NRDE2: variants seen among roughly 807,000 people sequenced by gnomAD.
The protein encoded by NRDE2 is NRDE-2, necessary for RNA interference, domain containing, also known as nuclear exosome regulator NRDE2.
NRDE2 carries 76 observed loss-of-function variants against 124.2 expected under a neutral mutation model. The ratio of observed to expected loss-of-function variants is 0.61; its 90% CI spans 0.51 to 0.74. The LOEUF (loss-of-function observed/expected upper bound fraction) is 0.74, where lower values mean the gene tolerates loss of function less well. NRDE2 is among the 30% of genes least tolerant of loss of function. NRDE2 has a pLI of 0.00. For synonymous variants in NRDE2, 489 were observed against 528.1 expected (o/e 0.93, Z 1.01); for missense variants, 1,314 against 1,417.3 (o/e 0.93, Z 1.17).
At chr14:90,298,514 G>T in intron 7 of NRDE2, 134 bp from the exon 8 acceptor site, 1 of 900,610 alleles carries the variant, frequency 1.1e-6, no homozygotes, top group Non-Finnish European at 1.8e-6. Context: ...CTTTGAAGTA[G>T]ATACATGCTA....
At chr14:90,329,571 T>C (rs1885584758) in intron 1 of NRDE2, among the ~76,000 whole-genome samples, 1 of 152,072 alleles carries the variant, frequency 6.6e-6, no homozygotes, top group East Asian at 1.9e-4. Flanking sequence ...GTACGTTGGC[T>C]CACACCTGTA....
chr14:90,277,844 G>C lies in NRDE2; in HGVS notation c.*492C>G, dbSNP rs45463097. On this transcript the variant is annotated 3_prime_UTR_variant, in exon 14 of 14. Coordinates refer to ENST00000354366, the MANE Select transcript of NRDE2 (RefSeq NM_017970.4). The stretch of plus-strand genomic sequence containing the variant: ...GGAACTTGCCACACACTGCGTGCAG[G>C]CCAGAACACCAAGCGTTAACTGCGG... The C allele has an allele frequency of 6.4e-6, 1 of 155,564 alleles. No homozygotes were observed. Among genetic ancestry groups the C allele is most frequent in the Non-Finnish European group, 1.4e-5 (1 of 70,022 alleles). 9.6% of individuals were successfully genotyped at this position (155,564 alleles called of 1,614,324 possible).
intron 4 of NRDE2, among the ~76,000 whole-genome samples, chr14:90,307,029 A>G (rs1371585192): frequency 1.3e-5 from 2 of 152,240 alleles, no homozygotes; most frequent in African/African-American, 4.8e-5. Flanking sequence ...CTGCATTTTT[A>G]TAACAAATTA....
chr14:90,318,798 C>CAAACA (rs967025175), intron 1 of NRDE2, among the ~76,000 whole-genome samples: 25 of 152,182 alleles, frequency 1.6e-4, no homozygotes, highest in East Asian at 1.2e-3. Flanking sequence ...GACTCCATCT[C>CAAACA]AAACAAAACA....
At chr14:90,301,536 C>A (rs1448570845) in intron 6 of NRDE2, among the ~76,000 whole-genome samples, 164 bp from the exon 7 acceptor site, 5 of 152,176 alleles carry the variant, frequency 3.3e-5, no homozygotes, top group African/African-American at 1.2e-4. Flanking sequence ...GCGTCTCACA[C>A]AGTATTATAA....
In NRDE2 at chr14:90,268,729, C is replaced by G. The variant is rs1355016027; in HGVS notation, c.*9607G>C. 1.9e-5 allele frequency: 5 copies of G among 256,570 alleles called. No individual in the cohort carries two copies. In the Admixed American group the frequency reaches 2.5e-4, roughly 13 times the overall value. 15.9% of individuals were successfully genotyped at this position (256,570 alleles called of 1,614,324 possible). Reference sequence around the variant, plus strand: ...GGAGGAGCTCACAGGTTGTAGGGATCAGATACCAAACATGGAAACAGAATA... The same window carrying G: ...GGAGGAGCTCACAGGTTGTAGGGATGAGATACCAAACATGGAAACAGAATA... On this transcript the variant is annotated 3_prime_UTR_variant, in exon 14 of 14. Transcript: ENST00000354366.
At chr14:90,283,523 T>C (rs1257196926) in intron 12 of NRDE2, among the ~76,000 whole-genome samples, 1 of 152,114 alleles carries the variant, frequency 6.6e-6, no homozygotes, top group Non-Finnish European at 1.5e-5. Flanking sequence ...CTGAGCAGCC[T>C]GATGACAGGA....
Position 90,286,464 on chromosome 14 carries a change from T to C in NRDE2, c.3187A>G (p.Ile1063Val), listed in dbSNP as rs900283211. Residue 1063 changes from isoleucine (I) to valine (V), a missense_variant, in exon 12 of 14, where the codon ATT (isoleucine) becomes GTT (valine). Coordinates refer to ENST00000354366, the MANE Select transcript of NRDE2 (RefSeq NM_017970.4). ...CGATGCATTAAGCCGGTCTCAGGAA[T>C]TGTGGCGTGGATCTCTCTACCGTCT... ...RLDGREIHAT[I>V]PETGLMHRIQ... 3 of 1,613,858 alleles carry C rather than the reference T, an allele frequency of 1.9e-6. No homozygotes were observed. Among genetic ancestry groups the C allele is most frequent in the African/African-American group, 2.7e-5 (2 of 74,852 alleles).
intron 1 of NRDE2, 34 bp from the exon 2 acceptor site, chr14:90,318,147 T>C: frequency 6.6e-7 from 1 of 1,512,604 alleles, no homozygotes; most frequent in Non-Finnish European, 9.1e-7. Context: ...ATCAATGAAA[T>C]TAGTTCAATA....
rs1305972314 is a variant in NRDE2, at chr14:90,272,425, C to A, written c.*5911G>T. The A allele has an allele frequency of 2.0e-6, 3 of 1,526,330 alleles. No individual in the cohort carries two copies. The highest frequency in any genetic ancestry group is 2.2e-5 in the Admixed American group (1 of 46,432). The allele number at this position is 1,526,330 out of a possible 1,614,324, so 94.5% of individuals were successfully genotyped here. ...ATCTCTAATGAACCATGGCTGTCAT[C>A]AGGAAAATGGTTGGGAGATTTCTCA... is the stretch of plus-strand genomic sequence containing the variant. On this transcript the variant is annotated 3_prime_UTR_variant, in exon 14 of 14. Coordinates refer to ENST00000354366, the MANE Select transcript of NRDE2 (RefSeq NM_017970.4). This position sits in a 1 kb window ranked among gnomAD's most constrained non-coding sequence, Gnocchi z 4.5.
Position 90,312,557 on chromosome 14 carries a change from G to A in NRDE2, c.408-14C>T. 1.2e-6 allele frequency: 2 copies of A among 1,606,812 alleles called. No individual in the cohort carries two copies. The highest frequency in any genetic ancestry group is 1.7e-6 in the Non-Finnish European group (2 of 1,177,662). On this transcript the variant is annotated splice_polypyrimidine_tract_variant and intron_variant, in intron 3 of 13. Transcript: ENST00000354366. ...TTATTTCCTTGACTGTGGGACAAAGGAAGAAGAAGAAGGGAGAGGCACTTT... is the reference window on the plus strand; with the variant it reads ...TTATTTCCTTGACTGTGGGACAAAGAAAGAAGAAGAAGGGAGAGGCACTTT...
rs1217034491 is a variant in NRDE2, at chr14:90,318,037, T to C, written c.141A>G (p.Pro47=). ...GCGGTAACCCTTCAGAAACATGGGCTGGAGCTGCTTCAGTTTGTTGGCTCA... is the reference window on the plus strand; with the variant it reads ...GCGGTAACCCTTCAGAAACATGGGCCGGAGCTGCTTCAGTTTGTTGGCTCA... ...TSLSQQTEAA[P]AHVSEGLPLT... is the part of the protein sequence containing the mutation. The change falls in exon 2 of 14, where the codon CCA becomes CCG. Residue 47 remains proline, a synonymous_variant. Coordinates refer to ENST00000354366, the MANE Select transcript of NRDE2 (RefSeq NM_017970.4). 5.0e-6 allele frequency: 8 copies of C among 1,614,154 alleles called. No homozygotes were observed. The highest frequency in any genetic ancestry group is 6.8e-6 in the Non-Finnish European group (8 of 1,180,006).
intron 1 of NRDE2, among the ~76,000 whole-genome samples, chr14:90,331,617 T>C (rs912495812): frequency 6.6e-6 from 1 of 152,240 alleles, no homozygotes; most frequent in Non-Finnish European, 1.5e-5. Flanking sequence ...GGGCATCTGC[T>C]GGTCTTTCTC....
Position 90,289,153 on chromosome 14 carries a change from G to GA in NRDE2, c.2230-9dup, listed in dbSNP as rs779119292. ...GTGCAGGCACCAAATGACCTACAGG[G>GA]AAAAAGAGAAGAATGACTGCAGGTG... On this transcript the variant is annotated splice_polypyrimidine_tract_variant and intron_variant, in intron 10 of 13. Coordinates refer to ENST00000354366, the MANE Select transcript of NRDE2 (RefSeq NM_017970.4). 5 of 1,581,914 alleles carry GA rather than the reference G, an allele frequency of 3.2e-6. No individual in the cohort carries two copies. Among genetic ancestry groups the GA allele is most frequent in the Admixed American group, 1.8e-5 (1 of 56,516 alleles).
Position 90,290,458 on chromosome 14 carries a change from G to A in NRDE2, c.1992C>T (p.Asn664=). The change falls in exon 10 of 14, where the codon AAC becomes AAT. Residue 664 remains asparagine, a synonymous_variant. Transcript: ENST00000354366. ...ASCLYLAMDE[N]SIFDNGLYDE... is the part of the protein sequence containing the mutation. Reference sequence around the variant, plus strand: ...CATAAAGTCCATTATCAAAGATGCTGTTCTCATCCATGGCCAGATAAAGAC... The same window carrying A: ...CATAAAGTCCATTATCAAAGATGCTATTCTCATCCATGGCCAGATAAAGAC... 6.2e-7 allele frequency: 1 copy of A among 1,614,052 alleles called. No homozygotes were observed. The highest frequency in any genetic ancestry group is 8.5e-7 in the Non-Finnish European group (1 of 1,180,030).
At position 90,269,573 on chromosome 14, in the gene NRDE2, T is replaced by C. The variant is rs1891607165; in HGVS notation, c.*8763A>G. 4 of 1,608,422 alleles carry C rather than the reference T, an allele frequency of 2.5e-6. No individual in the cohort carries two copies. Among genetic ancestry groups the C allele is most frequent in the Non-Finnish European group, 1.7e-6 (2 of 1,176,294 alleles). ...GGTTAAATTTGCTTTGGTTTCATCA[T>C]GGAGATTAATGTGTTTATATATTTG... On this transcript the variant is annotated 3_prime_UTR_variant, in exon 14 of 14. Transcript: ENST00000354366.
Position 90,321,549 on chromosome 14 carries a change from TA to T in NRDE2, c.65-3437del, listed in dbSNP as rs1012195271. On this transcript the variant is annotated intron_variant, in intron 1 of 13. Coordinates refer to ENST00000354366, the MANE Select transcript of NRDE2 (RefSeq NM_017970.4). ...AACATAAGCAAGACCCCAGCTCTATTAAAAAAAAAAAAAAAAAAAGAAAAGA... is the reference window on the plus strand; with the variant it reads ...AACATAAGCAAGACCCCAGCTCTATTAAAAAAAAAAAAAAAAAAGAAAAGA... Among the ~76,000 whole-genome samples, 469 of 108,788 alleles carry T rather than the reference TA, an allele frequency of 4.3e-3. 4 individuals carry two copies. Among genetic ancestry groups the T allele is most frequent in the African/African-American group, 0.01 (305 of 29,624 alleles). The allele number at this position is 108,788 out of a possible 152,430, so 71.4% of individuals were successfully genotyped here.
rs1566683921 is a variant in NRDE2, at chr14:90,286,459, AG to A, written c.3191del (p.Pro1064LeufsTer5). ...LDGREIHATI[P>X]ETGLMHRIQA... is the part of the protein sequence containing the mutation. Reference sequence around the variant, plus strand: ...GGATCCGATGCATTAAGCCGGTCTCAGGAATTGTGGCGTGGATCTCTCTACC... The same window carrying A: ...GGATCCGATGCATTAAGCCGGTCTCAGAATTGTGGCGTGGATCTCTCTACC... On this transcript the variant is annotated frameshift_variant, in exon 12 of 14. Coordinates refer to ENST00000354366, the MANE Select transcript of NRDE2 (RefSeq NM_017970.4). LOFTEE classifies it high-confidence loss of function. The A allele has an allele frequency of 1.2e-6, 2 of 1,614,132 alleles. No individual in the cohort carries two copies. Among genetic ancestry groups the A allele is most frequent in the Non-Finnish European group, 1.7e-6 (2 of 1,179,996 alleles).
Position 90,270,361 on chromosome 14 carries a change from C to T in NRDE2, c.*7975G>A. 2 of 1,609,440 alleles carry T rather than the reference C, an allele frequency of 1.2e-6. No individual in the cohort carries two copies. ...CTGGTGCTGACATCAAGGTGAGAGC[C>T]TAGCCGTGTCAGCTTATTTCTGGGA... On this transcript the variant is annotated 3_prime_UTR_variant, in exon 14 of 14. Coordinates refer to ENST00000354366, the MANE Select transcript of NRDE2 (RefSeq NM_017970.4).
Sources: gnomAD v4.1 joint callset for allele counts (sites outside exome capture counted in the v4.1 genomes callset) on GRCh38, gnomAD v4.1.1 for gene constraint, Gnocchi (gnomAD v3.1) non-coding constraint, MANE v1.5 for transcripts, NCBI Gene and HGNC (gene_info 2026-07-23, HGNC 2026-07-21) for gene names.